BBS1: variants seen among roughly 807,000 people sequenced by gnomAD.
BBS1 encodes the protein BBSome complex member BBS1.
BBS1 carries 60 observed loss-of-function variants against 73.9 expected under a neutral mutation model. The ratio of observed to expected loss-of-function variants is 0.81; its 90% CI spans 0.66 to 1.01. The LOEUF is 1.01. BBS1 is among the 50% of genes least tolerant of loss of function. BBS1 has a pLI of 0.00. For missense variants in BBS1, 718 were observed against 770.3 expected (o/e 0.93, Z 0.80); for synonymous variants, 283 against 317.4 (o/e 0.89, Z 1.15).
At chr11:66,528,432 GGAAAA>G (rs1856613255) in intron 13 of BBS1, among the ~76,000 whole-genome samples, 1 of 152,076 alleles carries the variant, frequency 6.6e-6, no homozygotes, top group South Asian at 2.1e-4. Flanking sequence ...AGAAGATTGG[GGAAAA>G]TAAGAATGAG....
At chr11:66,516,194 C>G (rs1188994802) in intron 7 of BBS1, among the ~76,000 whole-genome samples, 1 of 143,396 alleles carries the variant, frequency 7.0e-6, no homozygotes, top group East Asian at 2.2e-4. Flanking sequence ...GGCACAATCT[C>G]AGCTCACTAC....
intron 7 of BBS1, among the ~76,000 whole-genome samples, chr11:66,518,681 G>A (rs1856109554): frequency 6.6e-6 from 1 of 151,640 alleles, no homozygotes; most frequent in Non-Finnish European, 1.5e-5. Flanking sequence ...TGGCCAGGCT[G>A]GTCTTAAACT....
In BBS1 at chr11:66,519,645, A is replaced by G; in HGVS notation, c.620A>G (p.Lys207Arg). The G allele has an allele frequency of 7.4e-6, 12 of 1,613,802 alleles. No homozygotes were observed. The highest frequency in any genetic ancestry group is 1.0e-5 in the Non-Finnish European group (12 of 1,179,928). ...GTCATCACCACCATGACCACCTTGA[A>G]GAAGAACCTGGCTGACGAGGATGCT... Reference protein sequence around the residue: ...QTVITTMTTLKKNLADEDAVS... With the variant: ...QTVITTMTTLRKNLADEDAVS... Residue 207 changes from lysine (K) to arginine (R), a missense_variant, in exon 8 of 17, where the codon AAG (lysine) becomes AGG (arginine). Transcript: ENST00000318312.
rs377469172 is a variant in BBS1 at position 66,529,950 on chromosome 11, G to A, written c.1471G>A (p.Val491Met). ...CCGAGAGCCACTCAAGCTGCACGCC[G>A]TGGTGAGCATCTGGGTGAGGGCAGA... is the stretch of plus-strand genomic sequence containing the variant. The part of the protein sequence containing the change: ...TAREPLKLHA[V>M]VQGLGPTFKL... The change falls in exon 14 of 17, where the codon GTG becomes ATG. Residue 491 changes from valine to methionine, a missense_variant and splice_region_variant. Physicochemically the swap from Val to Met is conservative, Grantham distance 21. Coordinates refer to ENST00000318312, the MANE Select transcript of BBS1 (RefSeq NM_024649.5). 49 of 1,600,580 alleles carry A rather than the reference G, an allele frequency of 3.1e-5. No individual in the cohort carries two copies. The highest frequency in any genetic ancestry group is 1.6e-4 in the Middle Eastern group (1 of 6,076).
rs774658268 is a variant in BBS1 at position 66,519,688 on chromosome 11, G to A, written c.663G>A (p.Leu221=). ...ADEDAVSCLV[L]GTENKELLVL... is the part of the protein sequence containing the mutation. Reference sequence around the variant, plus strand: ...AGGATGCTGTGTCTTGCCTGGTGCTGGGCACCGAGAACAAGGAGCTCCTGG... The same window carrying A: ...AGGATGCTGTGTCTTGCCTGGTGCTAGGCACCGAGAACAAGGAGCTCCTGG... Residue 221 remains leucine, a synonymous_variant, in exon 8 of 17, where the codon CTG becomes CTA. Transcript: ENST00000318312. 1.9e-6 allele frequency: 3 copies of A among 1,613,822 alleles called. No individual in the cohort carries two copies. Among genetic ancestry groups the A allele is most frequent in the East Asian group, 2.2e-5 (1 of 44,858 alleles).
intron 4 of BBS1, 99 bp from the exon 5 acceptor site, chr11:66,515,441 C>T (rs1856028190): frequency 1.5e-6 from 2 of 1,346,376 alleles, no homozygotes; most frequent in African/African-American, 2.9e-5. Flanking sequence ...GAGGCAGAGA[C>T]CAAGAGGTAC....
intron 14 of BBS1, 81 bp downstream of exon 14, chr11:66,530,033 A>T: frequency 6.5e-7 from 1 of 1,531,340 alleles, no homozygotes. Context: ...CACACAGCTA[A>T]GCCCCAGAGC....
chr11:66,523,928 G>C, intron 11 of BBS1, 46 bp downstream of exon 11: 1 of 1,608,780 alleles, frequency 6.2e-7, no homozygotes, highest in Non-Finnish European at 8.5e-7. Flanking sequence ...CCTTGCCCTC[G>C]TCTCACCTCT....
chr11:66,515,819 G>T (rs1397463643), intron 6 of BBS1, 42 bp from the exon 7 acceptor site: 1 of 1,614,064 alleles, frequency 6.2e-7, no homozygotes. Flanking sequence ...GAGGAGGGCA[G>T]CGAGGCCGGG....
At chr11:66,512,022 G>GTA (rs1409662210) in intron 3 of BBS1, among the ~76,000 whole-genome samples, 2 of 141,386 alleles carry the variant, frequency 1.4e-5, no homozygotes, top group East Asian at 2.0e-4. Flanking sequence ...ATATATATGT[G>GTA]TATATATATG....
intron 8 of BBS1, among the ~76,000 whole-genome samples, chr11:66,520,139 G>A (rs1265069284): frequency 3.3e-5 from 5 of 152,156 alleles, no homozygotes; most frequent in East Asian, 1.9e-4. Context: ...CAGCCTGGGC[G>A]ACAGAGTGAG....
At chr11:66,522,813 T>A (rs943686897) in intron 9 of BBS1, 9 of 266,282 alleles carry the variant, frequency 3.4e-5, no homozygotes, top group Non-Finnish European at 4.4e-5. Context: ...ACAAATTGGA[T>A]GAGTGCTATG....
intron 11 of BBS1, among the ~76,000 whole-genome samples, chr11:66,525,044 C>CA (rs1184545288): frequency 6.6e-6 from 1 of 151,930 alleles, no homozygotes; most frequent in African/African-American, 2.4e-5. Flanking sequence ...ACTAAAAATA[C>CA]AAAAAATTAG....
At position 66,510,713 on chromosome 11, in the gene BBS1, G is replaced by A. The variant is rs370342126; in HGVS notation, c.47+7G>A. 2.5e-6 allele frequency: 4 copies of A among 1,614,144 alleles called. No individual in the cohort carries two copies. The highest frequency in any genetic ancestry group is 3.3e-5 in the Admixed American group (2 of 60,018). On this transcript the variant is annotated splice_region_variant and intron_variant, in intron 1 of 16. Coordinates refer to ENST00000318312, the MANE Select transcript of BBS1 (RefSeq NM_024649.5). Reference sequence around the variant, plus strand: ...ACGCCTGCGGAGCTGAGAGGTGAAGGCAGGGCTCCTCAAGGCCTCTTTTCC... The same window carrying A: ...ACGCCTGCGGAGCTGAGAGGTGAAGACAGGGCTCCTCAAGGCCTCTTTTCC...
At chr11:66,528,103 G>A (rs934902982) in intron 13 of BBS1, among the ~76,000 whole-genome samples, 3 of 152,202 alleles carry the variant, frequency 2.0e-5, no homozygotes, top group East Asian at 1.9e-4. Flanking sequence ...GGTGGCACAC[G>A]CCTGTAATCT....
intron 7 of BBS1, 129 bp from the exon 8 acceptor site, chr11:66,519,488 T>C (rs1856133298): frequency 1.5e-6 from 2 of 1,335,558 alleles, no homozygotes; most frequent in African/African-American, 1.4e-5. Flanking sequence ...TACTTAAATC[T>C]TCTGTCACAT....
intron 8 of BBS1, 28 bp downstream of exon 8, chr11:66,519,776 G>T (rs772270055): frequency 1.9e-6 from 3 of 1,610,642 alleles, no homozygotes; most frequent in Non-Finnish European, 2.5e-6. Flanking sequence ...CCCTGGGCCC[G>T]CTGGAGGCCC....
At position 66,514,684 on chromosome 11, in the gene BBS1, TAAA is replaced by T; in HGVS notation, c.432+7_432+9del. On this transcript the variant is annotated splice_region_variant and intron_variant, in intron 4 of 16. Transcript: ENST00000318312. ...TTTGGAACCAGGCCAAAGAGGTAAA[TAAA>T]TAACATGGGAGTTGGGAACCAGAAG... 6.2e-7 allele frequency: 1 copy of T among 1,609,700 alleles called. No individual in the cohort carries two copies. The highest frequency in any genetic ancestry group is 8.5e-7 in the Non-Finnish European group (1 of 1,179,930).
At chr11:66,522,537 G>A (rs1461534582) in intron 9 of BBS1, among the ~76,000 whole-genome samples, 2 of 151,764 alleles carry the variant, frequency 1.3e-5, no homozygotes, top group Admixed American at 6.6e-5. Flanking sequence ...TAGTAGAGAC[G>A]GGGTTTCACC....
Sources: gnomAD v4.1 joint callset for allele counts (sites outside exome capture counted in the v4.1 genomes callset) on GRCh38, gnomAD v4.1.1 for gene constraint, MANE v1.5 for transcripts, NCBI Gene and HGNC (gene_info 2026-07-23, HGNC 2026-07-21) for gene names.